Variants in CNTNAP2 observed in about 807,000 individuals in gnomAD.
CNTNAP2 encodes contactin-associated protein-like 2.
In CNTNAP2, 98 loss-of-function variants were observed where a neutral mutation model predicts 155.2. The ratio of observed to expected loss-of-function variants is 0.63; its 90% CI spans 0.54 to 0.75. CNTNAP2 has a LOEUF of 0.75. Among genes scored for constraint, CNTNAP2 ranks in the 30% least tolerant of loss-of-function variants. The probability of loss-of-function intolerance (pLI) is 0.00; values close to 1 mark genes in which losing one functional copy is unlikely to be tolerated. For synonymous variants in CNTNAP2, 651 were observed against 631.2 expected, an observed-to-expected ratio of 1.03 and a Z score of -0.47; for missense variants, 1,727 against 1,688.1, an observed-to-expected ratio of 1.02 and a Z score of -0.40.
chr7:146,721,887 A>ATTTTTTTTTTTTTTTTTTTTTTT (rs1265800742), intron 1 of CNTNAP2, among the ~76,000 whole-genome samples: 1 of 81,996 alleles, frequency 1.2e-5, no homozygotes, highest in African/African-American at 2.0e-4. Context: ...ATATATATAT[A>ATTTTTTTTTTTTTTTTTTTTTTT]TATTTTTTTT....
At chr7:146,720,767 T>C (rs1801272302) in intron 1 of CNTNAP2, among the ~76,000 whole-genome samples, 1 of 151,318 alleles carries the variant, frequency 6.6e-6, no homozygotes, top group African/African-American at 2.4e-5. Context: ...TAAACTATTA[T>C]AGACTATGTA....
intron 1 of CNTNAP2, among the ~76,000 whole-genome samples, chr7:146,500,518 A>G (rs1466379597): frequency 6.6e-6 from 1 of 152,104 alleles, no homozygotes; most frequent in Non-Finnish European, 1.5e-5. Flanking sequence ...GGTGAGTTTC[A>G]GTTCTTTTCT....
At chr7:146,893,999 T>C (rs1795828005) in intron 3 of CNTNAP2, among the ~76,000 whole-genome samples, 1 of 152,156 alleles carries the variant, frequency 6.6e-6, no homozygotes, top group African/African-American at 2.4e-5. Flanking sequence ...TGTTAATTAG[T>C]TATTTAGAGA....
intron 13 of CNTNAP2, among the ~76,000 whole-genome samples, chr7:147,676,037 ATTG>A (rs1228336411): frequency 6.6e-6 from 1 of 152,130 alleles, no homozygotes; most frequent in Admixed American, 6.6e-5. Flanking sequence ...ATAAATGGCC[ATTG>A]TTAATTTATT....
intron 13 of CNTNAP2, among the ~76,000 whole-genome samples, chr7:147,829,131 C>G (rs1383559377): frequency 6.6e-6 from 1 of 152,192 alleles, no homozygotes; most frequent in East Asian, 1.9e-4. Flanking sequence ...CTCAAGATTT[C>G]TTCAGGACAT....
intron 1 of CNTNAP2, among the ~76,000 whole-genome samples, chr7:146,737,533 G>A (rs1407995621): frequency 6.6e-6 from 1 of 152,022 alleles, no homozygotes; most frequent in African/African-American, 2.4e-5. Context: ...GGTATAACGG[G>A]TTATGCATAA....
intron 6 of CNTNAP2, among the ~76,000 whole-genome samples, chr7:147,124,881 T>G (rs1488305755): frequency 5.0e-5 from 7 of 139,622 alleles, no homozygotes; most frequent in Non-Finnish European, 1.1e-4. Context: ...TTTTCCTTTT[T>G]TTTTTTTTTT....
chr7:148,116,264 C>T (rs1004813792), intron 15 of CNTNAP2, among the ~76,000 whole-genome samples: 10 of 152,194 alleles, frequency 6.6e-5, no homozygotes, highest in South Asian at 4.1e-4. Context: ...GTATTACCTG[C>T]GACAGTAATT....
chr7:147,788,234 G>A (rs377405865), intron 13 of CNTNAP2, among the ~76,000 whole-genome samples: 8 of 152,186 alleles, frequency 5.3e-5, no homozygotes, highest in African/African-American at 1.9e-4. Context: ...TTGCTCTCAA[G>A]TTGTCAATTT....
chr7:147,696,053 A>T (rs1453771794), intron 13 of CNTNAP2, among the ~76,000 whole-genome samples: 1 of 152,164 alleles, frequency 6.6e-6, no homozygotes, highest in Non-Finnish European at 1.5e-5. Flanking sequence ...TTTATTTTTA[A>T]TCCATATTTG....
At chr7:147,481,249 A>G (rs1002137409) in intron 10 of CNTNAP2, among the ~76,000 whole-genome samples, 1 of 152,204 alleles carries the variant, frequency 6.6e-6, no homozygotes, top group Admixed American at 6.5e-5. Flanking sequence ...TCAGGCTAAC[A>G]TTTTTTAGAT....
chr7:146,669,914 C>T (rs1367698438), intron 1 of CNTNAP2, among the ~76,000 whole-genome samples: 3 of 152,102 alleles, frequency 2.0e-5, no homozygotes, highest in Non-Finnish European at 4.4e-5. Flanking sequence ...GCAATGAACA[C>T]AGCTTTTTAG....
chr7:147,850,601 C>G (rs151220609), intron 13 of CNTNAP2, among the ~76,000 whole-genome samples: 1,673 of 152,264 alleles, frequency 0.011, 91 homozygotes, highest in Admixed American at 0.09. Context: ...AGAACAGAGG[C>G]ATCAGAAATA....
intron 1 of CNTNAP2, among the ~76,000 whole-genome samples, chr7:146,710,766 A>T (rs894687988): frequency 6.6e-6 from 1 of 152,120 alleles, no homozygotes; most frequent in East Asian, 1.9e-4. Flanking sequence ...TCATTAGAGC[A>T]ATCACTAATT....
At chr7:146,713,035 C>G (rs1199450162) in intron 1 of CNTNAP2, among the ~76,000 whole-genome samples, 1 of 152,014 alleles carries the variant, frequency 6.6e-6, no homozygotes, top group Non-Finnish European at 1.5e-5. Flanking sequence ...AAGATTCACT[C>G]CCCTCTCTGA....
At chr7:147,728,137 A>G (rs895745767) in intron 13 of CNTNAP2, among the ~76,000 whole-genome samples, 1 of 148,686 alleles carries the variant, frequency 6.7e-6, no homozygotes, top group African/African-American at 2.5e-5. Context: ...TCAGATAACA[A>G]TGATGAATAC....
At chr7:148,105,143 T>C (rs1489713771) in intron 15 of CNTNAP2, among the ~76,000 whole-genome samples, 1 of 152,120 alleles carries the variant, frequency 6.6e-6, no homozygotes. Context: ...TTAGATGCAA[T>C]GATAGATACA....
rs534941651 is a variant in CNTNAP2, at chr7:148,325,418, C to T, written c.3476-58231C>T. Reference sequence around the variant, plus strand: ...TTCATTTGTTTGTCTAACTTAAGAACGTGAGTCACAACTAACAAAGACCAT... The same window carrying T: ...TTCATTTGTTTGTCTAACTTAAGAATGTGAGTCACAACTAACAAAGACCAT... On this transcript the variant is annotated intron_variant, in intron 21 of 23. Transcript: ENST00000361727. 7.9e-5 allele frequency among the ~76,000 whole-genome samples: 12 copies of T among 152,306 alleles called. No individual in the cohort carries two copies. In the South Asian group the frequency reaches 2.1e-3, roughly 26 times the overall value.
intron 14 of CNTNAP2, among the ~76,000 whole-genome samples, chr7:147,972,055 G>A (rs1221586740): frequency 6.6e-6 from 1 of 152,176 alleles, no homozygotes; most frequent in Non-Finnish European, 1.5e-5. Context: ...TCTTGGTAGT[G>A]TGAAGTAGCA....
Sources: gnomAD v4.1 joint callset for allele counts (sites outside exome capture counted in the v4.1 genomes callset) on GRCh38, gnomAD v4.1.1 for gene constraint, MANE v1.5 for transcripts, NCBI Gene and HGNC (gene_info 2026-07-23, HGNC 2026-07-21) for gene names.